FGF14: variants seen among roughly 807,000 people sequenced by gnomAD.
The protein encoded by FGF14 is fibroblast growth factor 14.
A neutral mutation model predicts 25.5 loss-of-function variants in FGF14; 5 were observed. That is an observed-to-expected ratio of 0.20 (90% CI 0.10 to 0.41). FGF14 has a LOEUF of 0.41. Among genes scored for constraint, FGF14 ranks in the 10% least tolerant of loss-of-function variants. FGF14 has a pLI of 1.00. For synonymous variants in FGF14, 138 were observed against 118.3 expected, an observed-to-expected ratio of 1.17 and a Z score of -1.08; for missense variants, 222 against 320.1, an observed-to-expected ratio of 0.69 and a Z score of 2.34.
At chr13:102,063,254 G>T (rs995610089) in intron 1 of FGF14, among the ~76,000 whole-genome samples, 1 of 152,068 alleles carries the variant, frequency 6.6e-6, no homozygotes, top group African/African-American at 2.4e-5. Context: ...TCAAAATCAA[G>T]AAAGTAATAT....
chr13:101,923,238 T>C (rs1417901349), intron 1 of FGF14, among the ~76,000 whole-genome samples: 1 of 152,090 alleles, frequency 6.6e-6, no homozygotes, highest in Non-Finnish European at 1.5e-5. Flanking sequence ...TGAATCACTT[T>C]TGACATTTTT....
chr13:102,131,945 C>G (rs1463055891), intron 1 of FGF14, among the ~76,000 whole-genome samples: 1 of 152,182 alleles, frequency 6.6e-6, no homozygotes, highest in Non-Finnish European at 1.5e-5. Context: ...GAATTAAGTA[C>G]TCTTACGTCC....
At chr13:101,974,511 T>G (rs1229682441) in intron 1 of FGF14, among the ~76,000 whole-genome samples, 1 of 152,156 alleles carries the variant, frequency 6.6e-6, no homozygotes, top group Non-Finnish European at 1.5e-5. Context: ...TCAGTGGCAA[T>G]GCAACATAAT....
Position 101,875,248 on chromosome 13 carries a change from T to G in FGF14, c.242A>C (p.Tyr81Ser). 6.2e-7 allele frequency: 1 copy of G among 1,613,514 alleles called. No homozygotes were observed. Among genetic ancestry groups the G allele is most frequent in the Non-Finnish European group, 8.5e-7 (1 of 1,179,542 alleles). The change falls in exon 2 of 5, where the codon TAC becomes TCC. Residue 81 changes from tyrosine (Y) to serine (S), a missense_variant. Transcript: ENST00000376143. Reference protein sequence around the residue: ...IVTRLYCRQGYYLQMHPDGAL... With the variant: ...IVTRLYCRQGSYLQMHPDGAL... ...TCCATCGGGGTGCATTTGCAAGTAG[T>G]AGCCTTGCCTGCAATATAACCTGGT...
chr13:102,355,189 T>C (rs1455268627), intron 1 of FGF14, among the ~76,000 whole-genome samples: 1 of 152,194 alleles, frequency 6.6e-6, no homozygotes, highest in Non-Finnish European at 1.5e-5. Context: ...AATGGAATAA[T>C]AGACTGACAT....
At chr13:101,803,437 T>A (rs998179490) in intron 3 of FGF14, among the ~76,000 whole-genome samples, 1 of 152,196 alleles carries the variant, frequency 6.6e-6, no homozygotes, top group African/African-American at 2.4e-5. Context: ...GCTGAAACTT[T>A]GGTCTTAAAC....
chr13:102,231,140 T>C (rs2051067084), intron 1 of FGF14, among the ~76,000 whole-genome samples: 12 of 152,226 alleles, frequency 7.9e-5, no homozygotes, highest in Admixed American at 7.9e-4. Flanking sequence ...TTGTCTCAGT[T>C]TCTCTGTCTC....
chr13:102,302,936 A>C (rs2055150467), intron 1 of FGF14, among the ~76,000 whole-genome samples: 1 of 152,006 alleles, frequency 6.6e-6, no homozygotes, highest in Non-Finnish European at 1.5e-5. Context: ...CCACTCCTTC[A>C]CTCAAAACCC....
At chr13:101,758,844 T>C (rs1397282372) in intron 3 of FGF14, among the ~76,000 whole-genome samples, 1 of 152,168 alleles carries the variant, frequency 6.6e-6, no homozygotes, top group Admixed American at 6.5e-5. Context: ...AGGGATGAGG[T>C]ATCTGCTCTA....
At chr13:102,041,583 TAA>T (rs11430268) in intron 1 of FGF14, among the ~76,000 whole-genome samples, 45 of 141,906 alleles carry the variant, frequency 3.2e-4, no homozygotes, top group African/African-American at 8.7e-4. Context: ...TGTTTCCATG[TAA>T]AAAAAAAAAA....
At chr13:101,877,573 C>A (rs1353394821) in intron 1 of FGF14, among the ~76,000 whole-genome samples, 1 of 152,098 alleles carries the variant, frequency 6.6e-6, no homozygotes, top group Non-Finnish European at 1.5e-5. Context: ...CCTAATGCAG[C>A]CTGTACAAGC....
At chr13:101,906,641 T>C (rs1029432254) in intron 1 of FGF14, among the ~76,000 whole-genome samples, 9 of 152,184 alleles carry the variant, frequency 5.9e-5, no homozygotes, top group African/African-American at 2.2e-4. Flanking sequence ...AGTAGTTACA[T>C]GTTACCCCGG....
chr13:102,010,500 AAAGT>A (rs2040022487), intron 1 of FGF14, among the ~76,000 whole-genome samples: 1 of 152,172 alleles, frequency 6.6e-6, no homozygotes, highest in Non-Finnish European at 1.5e-5. Context: ...GAAAAAAAAG[AAAGT>A]GTTTATTTTT....
At chr13:101,788,708 A>T (rs187212745) in intron 3 of FGF14, among the ~76,000 whole-genome samples, 19 of 151,532 alleles carry the variant, frequency 1.3e-4, no homozygotes, top group Admixed American at 7.9e-4. Flanking sequence ...GCAATTCTCT[A>T]GTTTGTGTTT....
At chr13:101,824,130 T>C (rs1399028559) in intron 3 of FGF14, among the ~76,000 whole-genome samples, 3 of 152,204 alleles carry the variant, frequency 2.0e-5, no homozygotes, top group Non-Finnish European at 4.4e-5. Context: ...CTTTTGCTTG[T>C]TATAGAATTA....
At chr13:102,289,428 AG>A (rs1384880645) in intron 1 of FGF14, among the ~76,000 whole-genome samples, 1 of 152,212 alleles carries the variant, frequency 6.6e-6, no homozygotes, top group East Asian at 1.9e-4. Context: ...GTGCACCAAA[AG>A]TTATTTGATG....
intron 4 of FGF14, among the ~76,000 whole-genome samples, chr13:101,724,004 A>G (rs2035184346): frequency 6.6e-6 from 1 of 152,118 alleles, no homozygotes; most frequent in Non-Finnish European, 1.5e-5. Context: ...TTTAGTATCA[A>G]TGCATCACGT....
At chr13:101,962,601 G>A (rs1178966375) in intron 1 of FGF14, among the ~76,000 whole-genome samples, 1 of 151,922 alleles carries the variant, frequency 6.6e-6, no homozygotes, top group African/African-American at 2.4e-5. Context: ...AAGCCATTTA[G>A]GATAAAATAA....
intron 1 of FGF14, among the ~76,000 whole-genome samples, chr13:102,032,708 GCT>G (rs1233509582): frequency 6.6e-6 from 1 of 152,096 alleles, no homozygotes; most frequent in African/African-American, 2.4e-5. Flanking sequence ...ACTATCACTG[GCT>G]TTTTGCTCCT....
Sources: allele counts gnomAD v4.1 joint callset (sites outside exome capture counted in the v4.1 genomes callset), GRCh38; gene constraint gnomAD v4.1.1; transcripts MANE v1.5; gene names NCBI Gene and HGNC (gene_info 2026-07-23, HGNC 2026-07-21).